Variants in NCOA6 observed in about 807,000 individuals in gnomAD.
NCOA6 encodes nuclear receptor coactivator 6.
In NCOA6, 49 loss-of-function variants were observed where a neutral mutation model predicts 171.4. The observed-to-expected ratio is 0.29, with a 90% confidence interval of 0.23 to 0.36. The LOEUF (loss-of-function observed/expected upper bound fraction) is 0.36. NCOA6 is among the 10% of genes least tolerant of loss of function. The pLI is 1.00. For synonymous variants in NCOA6, 910 were observed against 927.5 expected, an observed-to-expected ratio of 0.98 and a Z score of 0.34; for missense variants, 2,248 against 2,554.5, an observed-to-expected ratio of 0.88 and a Z score of 2.59.
At chr20:34,749,004 A>T (rs1412718573) in intron 9 of NCOA6, among the ~76,000 whole-genome samples, 1 of 152,196 alleles carries the variant, frequency 6.6e-6, no homozygotes, top group Non-Finnish European at 1.5e-5. Context: ...TATACCAGCC[A>T]ATTGCAACAT....
At chr20:34,818,838 A>T (rs2078920978) in intron 1 of NCOA6, among the ~76,000 whole-genome samples, 1 of 152,192 alleles carries the variant, frequency 6.6e-6, no homozygotes, top group African/African-American at 2.4e-5. Flanking sequence ...AGAAAATAAT[A>T]CCTATATTTC....
At chr20:34,773,348 G>A (rs1480264459) in intron 4 of NCOA6, among the ~76,000 whole-genome samples, 2 of 152,206 alleles carry the variant, frequency 1.3e-5, no homozygotes, top group Non-Finnish European at 2.9e-5. Flanking sequence ...CTTAAAAAAG[G>A]AAGGGTACAG....
chr20:34,739,525 C>A (rs1326501769), intron 11 of NCOA6, among the ~76,000 whole-genome samples: 2 of 152,152 alleles, frequency 1.3e-5, no homozygotes, highest in Non-Finnish European at 2.9e-5. Flanking sequence ...AAGAATGGTT[C>A]CTGAGATAGA....
intron 4 of NCOA6, among the ~76,000 whole-genome samples, chr20:34,771,103 A>G (rs1029051281): frequency 3.3e-5 from 5 of 152,212 alleles, no homozygotes; most frequent in African/African-American, 1.2e-4. Flanking sequence ...TTATTTCAAC[A>G]TGTAATTAAT....
chr20:34,812,597 G>GT (rs1393645232), intron 1 of NCOA6, among the ~76,000 whole-genome samples: 2 of 151,932 alleles, frequency 1.3e-5, no homozygotes, highest in South Asian at 2.1e-4. Context: ...ATTATAAACC[G>GT]TAAGTCAGAG....
At chr20:34,784,357 T>G (rs1226094205) in intron 2 of NCOA6, among the ~76,000 whole-genome samples, 1 of 152,018 alleles carries the variant, frequency 6.6e-6, no homozygotes, top group Non-Finnish European at 1.5e-5. Context: ...CCCAAGCAGC[T>G]GGGGTTACAG....
At chr20:34,795,028 C>A (rs1340471828) in intron 1 of NCOA6, among the ~76,000 whole-genome samples, 1 of 152,128 alleles carries the variant, frequency 6.6e-6, no homozygotes, top group Non-Finnish European at 1.5e-5. Context: ...CAATTTACAG[C>A]CTTTTTAGAA....
At position 34,782,139 on chromosome 20, in the gene NCOA6, G is replaced by A; in HGVS notation, c.217C>T (p.Pro73Ser). The change falls in exon 3 of 15, where the codon CCC becomes TCC. Residue 73 changes from proline to serine, a missense_variant. By Grantham distance (74) the Pro-to-Ser change is moderately conservative. Transcript: ENST00000359003. ...WKLDAILKNV[P>S]NLLHMESSKL... ...AAATTACCCATGTGTAACAAATTGG[G>A]CACGTTTTTCAATATTGCATCTAAT... The A allele has an allele frequency of 6.3e-7, 1 of 1,595,614 alleles. No individual in the cohort carries two copies. The highest frequency in any genetic ancestry group is 1.1e-5 in the South Asian group (1 of 88,482).
intron 3 of NCOA6, chr20:34,776,793 A>C: frequency 2.1e-6 from 1 of 469,024 alleles, no homozygotes; most frequent in Non-Finnish European, 4.2e-6. Flanking sequence ...GAAAGCCGTA[A>C]GATGGAGAAA....
At chr20:34,715,453 A>T in intron 14 of NCOA6, 88 bp from the exon 15 acceptor site, 1 of 936,488 alleles carries the variant, frequency 1.1e-6, no homozygotes, top group Non-Finnish European at 1.7e-6. Context: ...GGGCAGACCT[A>T]AGGGGAGCCC....
intron 14 of NCOA6, among the ~76,000 whole-genome samples, chr20:34,725,557 T>C (rs1164686564): frequency 1.3e-5 from 2 of 152,168 alleles, no homozygotes; most frequent in Admixed American, 1.3e-4. Flanking sequence ...ACACAGAAGC[T>C]TGTGGGGTAG....
intron 14 of NCOA6, among the ~76,000 whole-genome samples, chr20:34,719,349 G>A (rs1197035179): frequency 1.3e-5 from 2 of 152,026 alleles, no homozygotes; most frequent in African/African-American, 4.8e-5. Context: ...TCTGGAAATC[G>A]GCGAGATGCG....
chr20:34,813,210 A>T (rs552315102), intron 1 of NCOA6, among the ~76,000 whole-genome samples: 1 of 151,834 alleles, frequency 6.6e-6, no homozygotes, highest in South Asian at 2.1e-4. Context: ...TCACGCCTGT[A>T]TTCCCAGCAC....
In NCOA6 at chr20:34,803,160, A is replaced by G. The variant is rs1160219995; in HGVS notation, c.-163-10597T>C. Among the ~76,000 whole-genome samples, 5 of 152,266 alleles carry G rather than the reference A, an allele frequency of 3.3e-5. No homozygotes were observed. In the East Asian group the frequency reaches 7.7e-4, roughly 23 times the overall value. ...AATCAATGATCAAAAAGCTTGCTAC[A>G]CTTCGTAAGTAATCAAAGAAAAACA... On this transcript the variant is annotated intron_variant, in intron 1 of 14. Coordinates refer to ENST00000359003, the MANE Select transcript of NCOA6 (RefSeq NM_014071.5).
intron 1 of NCOA6, among the ~76,000 whole-genome samples, chr20:34,804,067 G>T: frequency 6.6e-6 from 1 of 150,992 alleles, no homozygotes; most frequent in East Asian, 2.0e-4. Context: ...GCCAAGCGTG[G>T]TGGCTCATGC....
At chr20:34,824,626 T>C (rs2079098724) in intron 1 of NCOA6, among the ~76,000 whole-genome samples, 2 of 152,178 alleles carry the variant, frequency 1.3e-5, no homozygotes, top group South Asian at 4.1e-4. Flanking sequence ...CTCTCCTTCC[T>C]TGCCAACCAG....
chr20:34,741,156 T>G lies in NCOA6; in HGVS notation c.5100A>C (p.Leu1700Phe). ...MPPSVAVVGP[L>F]HIPQNIKFSS... ...AAAATTTTATGTTCTGAGGTATGTG[T>G]AAAGGGCCAACAACTGCAACAGAGG... The change falls in exon 11 of 15, where the codon TTA (leucine) becomes TTC (phenylalanine). Residue 1700 changes from leucine (L) to phenylalanine (F), a missense_variant. Coordinates refer to ENST00000359003, the MANE Select transcript of NCOA6 (RefSeq NM_014071.5). 6.2e-7 allele frequency: 1 copy of G among 1,614,222 alleles called. No homozygotes were observed. The highest frequency in any genetic ancestry group is 8.5e-7 in the Non-Finnish European group (1 of 1,180,038).
intron 8 of NCOA6, among the ~76,000 whole-genome samples, chr20:34,750,994 CAG>C (rs2076460315): frequency 6.6e-6 from 1 of 151,638 alleles, no homozygotes; most frequent in Admixed American, 6.6e-5. Flanking sequence ...AGCCTGGTGA[CAG>C]AGTGAAACCC....
chr20:34,740,537 C>T lies in NCOA6; in HGVS notation c.5719G>A (p.Gly1907Ser). ...GTASAGPSLP[G>S]GALPTSVRSI... ...CGTACACTGGTGGGGAGAGCACCGCCAGGTAAGCTGGGTCCTGCTGAGGCA... is the reference window on the plus strand; with the variant it reads ...CGTACACTGGTGGGGAGAGCACCGCTAGGTAAGCTGGGTCCTGCTGAGGCA... Residue 1907 changes from glycine (G) to serine (S), a missense_variant, in exon 11 of 15, where the codon GGC (glycine) becomes AGC (serine). By Grantham distance (56) the Gly-to-Ser change is moderately conservative (BLOSUM62 0). Coordinates refer to ENST00000359003, the MANE Select transcript of NCOA6 (RefSeq NM_014071.5). 1 of 1,613,982 alleles carries T rather than the reference C, an allele frequency of 6.2e-7. No individual in the cohort carries two copies. Among genetic ancestry groups the T allele is most frequent in the African/African-American group, 1.3e-5 (1 of 75,046 alleles).
Sources: gnomAD v4.1 joint callset for allele counts (sites outside exome capture counted in the v4.1 genomes callset) on GRCh38, gnomAD v4.1.1 for gene constraint, MANE v1.5 for transcripts, NCBI Gene and HGNC (gene_info 2026-07-23, HGNC 2026-07-21) for gene names.